Variants in NDRG1 observed in about 807,000 individuals in gnomAD.
NDRG1 encodes the protein N-myc downstream regulated 1.
A neutral mutation model predicts 56.9 loss-of-function variants in NDRG1; 32 were observed. That is an observed-to-expected ratio of 0.56 (90% confidence interval 0.42 to 0.76). The LOEUF (loss-of-function observed/expected upper bound fraction) is 0.76, where lower values mean the gene tolerates loss of function less well. Among genes scored for constraint, NDRG1 ranks in the 30% least tolerant of loss-of-function variants. The pLI, the probability that NDRG1 is intolerant of heterozygous loss-of-function variation, is 0.00. For synonymous variants in NDRG1, 211 were observed against 204.1 expected, an observed-to-expected ratio of 1.03 and a Z score of -0.29; for missense variants, 507 against 545.7, an observed-to-expected ratio of 0.93 and a Z score of 0.71.
At chr8:133,291,075 C>A (rs989792789) in intron 1 of NDRG1, among the ~76,000 whole-genome samples, 1 of 152,040 alleles carries the variant, frequency 6.6e-6, no homozygotes, top group Non-Finnish European at 1.5e-5. Context: ...GGAGGGCGGA[C>A]AACAGTCCCC....
At chr8:133,240,832 G>T (rs553757454) in intron 15 of NDRG1, 1 of 152,344 alleles carries the variant, frequency 6.6e-6, no homozygotes, top group Admixed American at 6.5e-5. Context: ...AATTCACACC[G>T]TGCAGGGTAA....
rs772268356 is a variant in NDRG1 at position 133,248,767 on chromosome 8, G to A, written c.703C>T (p.Arg235Cys). 3.8e-5 allele frequency: 61 copies of A among 1,613,988 alleles called. No individual in the cohort carries two copies. The highest frequency in any genetic ancestry group is 4.7e-5 in the Non-Finnish European group (55 of 1,180,046). The change falls in exon 11 of 16, where the codon CGC becomes TGC. Residue 235 changes from arginine to cysteine, a missense_variant. Arg to Cys is a radical substitution (Grantham distance 180, BLOSUM62 -3). Transcript: ENST00000323851. The stretch of plus-strand genomic sequence containing the variant: ...ATTGGTCGCTCAATCTCCAGGTCGC[G>A]CCGGCTGCAGGAAACAAATGCATCA... ...HLFINAYNSRRDLEIERPMPG... is the reference protein window; with the variant it reads ...HLFINAYNSRCDLEIERPMPG...
intron 3 of NDRG1, among the ~76,000 whole-genome samples, chr8:133,275,489 TC>T (rs1221997994): frequency 6.6e-6 from 1 of 152,128 alleles, no homozygotes; most frequent in East Asian, 1.9e-4. Context: ...GAATGATCTA[TC>T]CCCAGTCTCT....
chr8:133,292,468 G>A (rs1056260806), intron 1 of NDRG1, among the ~76,000 whole-genome samples: 15 of 152,228 alleles, frequency 9.9e-5, no homozygotes, highest in Admixed American at 6.5e-4. Context: ...GGGAGACATG[G>A]ACAGGTCCCA....
chr8:133,292,733 C>T (rs565264335), intron 1 of NDRG1, among the ~76,000 whole-genome samples: 7 of 152,294 alleles, frequency 4.6e-5, no homozygotes, highest in African/African-American at 1.7e-4. Context: ...CCTGGGCCCC[C>T]ACCCACCTCT....
chr8:133,247,721 G>C (rs567444144), intron 12 of NDRG1, among the ~76,000 whole-genome samples, 154 bp downstream of exon 12: 1 of 152,298 alleles, frequency 6.6e-6, no homozygotes, highest in East Asian at 1.9e-4. Context: ...TGAGTGGCTG[G>C]GCCCTCTGCC....
chr8:133,258,526 A>G, intron 6 of NDRG1, 100 bp from the exon 7 acceptor site: 1 of 1,158,010 alleles, frequency 8.6e-7, no homozygotes, highest in Non-Finnish European at 1.3e-6. Flanking sequence ...CTGGCTAGGC[A>G]ATGCGGGAGC....
chr8:133,253,722 G>A (rs1161894455), intron 9 of NDRG1, among the ~76,000 whole-genome samples: 1 of 152,134 alleles, frequency 6.6e-6, no homozygotes, highest in African/African-American at 2.4e-5. Flanking sequence ...AAGAGACAGG[G>A]TCTCTCTGTC....
At chr8:133,249,868 C>T (rs778548461) in intron 10 of NDRG1, among the ~76,000 whole-genome samples, 5 of 152,212 alleles carry the variant, frequency 3.3e-5, no homozygotes, top group Non-Finnish European at 5.9e-5. Flanking sequence ...CGTGGCAGAG[C>T]GAGCTCAGCA....
At chr8:133,243,831 G>T (rs978136761) in intron 14 of NDRG1, among the ~76,000 whole-genome samples, 4 of 152,224 alleles carry the variant, frequency 2.6e-5, no homozygotes, top group African/African-American at 9.7e-5. Context: ...ATTCTTTATA[G>T]GAGGGGAAAT....
chr8:133,263,917 G>GAAAAAA (rs35761411), intron 4 of NDRG1, among the ~76,000 whole-genome samples: 1 of 108,046 alleles, frequency 9.3e-6, no homozygotes. Flanking sequence ...TTCTGTCTCA[G>GAAAAAA]AAAAAAAAAA....
chr8:133,239,184 C>T lies in NDRG1; in HGVS notation c.944-65G>A, dbSNP rs975874167. The T allele has an allele frequency of 1.9e-5, 29 of 1,545,350 alleles. 1 individual carries two copies. In the East Asian group the frequency reaches 5.6e-4, roughly 30 times the overall value. On this transcript the variant is annotated intron_variant, in intron 15 of 15. Coordinates refer to ENST00000323851, the MANE Select transcript of NDRG1 (RefSeq NM_006096.4). ...TGCCAGGTGAGGAGCCAGGCATGCC[C>T]GTCCACCAGCCACATGCTCTTCTAC...
chr8:133,241,208 G>A (rs2130664566), intron 15 of NDRG1: 1 of 152,526 alleles, frequency 6.6e-6, no homozygotes, highest in East Asian at 1.9e-4. Context: ...GGTCAGAAGA[G>A]CCACTAGTCA....
At chr8:133,255,294 G>A (rs1198785605) in intron 8 of NDRG1, 3 of 456,266 alleles carry the variant, frequency 6.6e-6, no homozygotes, top group African/African-American at 2.0e-5. Context: ...CTTCTAATCT[G>A]GAACTGGGAG....
At chr8:133,289,494 C>G (rs539924204) in intron 1 of NDRG1, among the ~76,000 whole-genome samples, 2 of 152,144 alleles carry the variant, frequency 1.3e-5, no homozygotes, top group Admixed American at 6.5e-5. Context: ...AGGCCCAGTG[C>G]GTCACCACTG....
chr8:133,287,072 C>T (rs1269203692), intron 1 of NDRG1, among the ~76,000 whole-genome samples: 3 of 152,196 alleles, frequency 2.0e-5, no homozygotes, highest in African/African-American at 7.2e-5. Context: ...GCAGCCCTTA[C>T]CTTGTCCCTG....
At chr8:133,247,802 G>C in intron 12 of NDRG1, 73 bp downstream of exon 12, 1 of 1,507,854 alleles carries the variant, frequency 6.6e-7, no homozygotes, top group Non-Finnish European at 9.2e-7. Context: ...GGGCAGGCAG[G>C]GCCACTTCAA....
intron 5 of NDRG1, 58 bp downstream of exon 5, chr8:133,261,989 C>A: frequency 1.3e-6 from 2 of 1,534,914 alleles, no homozygotes; most frequent in Non-Finnish European, 1.8e-6. Context: ...AGCACCTGAA[C>A]CCCTCCCCGA....
At chr8:133,294,355 G>A (rs35227400) in intron 1 of NDRG1, among the ~76,000 whole-genome samples, 4,299 of 152,298 alleles carry the variant, frequency 0.028, 76 homozygotes, top group African/African-American at 0.042. Flanking sequence ...GGCAGATGGA[G>A]GGAGACAGTG....
Sources: gnomAD v4.1 joint callset for allele counts (sites outside exome capture counted in the v4.1 genomes callset) on GRCh38, gnomAD v4.1.1 for gene constraint, MANE v1.5 for transcripts, NCBI Gene and HGNC (gene_info 2026-07-23, HGNC 2026-07-21) for gene names.